The following EXOC4 variants were observed in gnomAD, a reference collection of about 807,000 sequenced individuals.
EXOC4 encodes the protein SEC8-like 1.
Under a neutral mutation model 107.2 loss-of-function variants are expected in EXOC4, and 71 were observed. The ratio of observed to expected loss-of-function variants is 0.66; its 90% CI spans 0.55 to 0.81. The LOEUF is 0.81. EXOC4 is among the 30% of genes least tolerant of loss of function. The pLI, the probability that EXOC4 is intolerant of heterozygous loss-of-function variation, is 0.00. For synonymous variants in EXOC4, 456 were observed against 441.2 expected (o/e 1.03, Z -0.42); for missense variants, 1,108 against 1,189.6 (o/e 0.93, Z 1.01).
In EXOC4 at chr7:133,774,638, C is replaced by CT. The variant is rs1307623106; in HGVS notation, c.1515-42681dup. ...AGAAAACAGCAGTTTAAACAATCTA[C>CT]TTTTTTCAAGCCTAACTTCTTACCC... On this transcript the variant is annotated intron_variant, in intron 10 of 17. Transcript: ENST00000253861. Among the ~76,000 whole-genome samples, 16 of 151,940 alleles carry CT rather than the reference C, an allele frequency of 1.1e-4. No homozygotes were observed. The South Asian group carries it at 1.5e-3, about 14-fold the overall frequency.
chr7:134,012,574 C>G (rs114808935), intron 17 of EXOC4, among the ~76,000 whole-genome samples: 1,793 of 152,088 alleles, frequency 0.012, 26 homozygotes, highest in African/African-American at 0.04. Context: ...GAGGGGATAA[C>G]AAGAAATGTT....
intron 17 of EXOC4, among the ~76,000 whole-genome samples, chr7:134,024,233 G>A (rs996346950): frequency 9.9e-5 from 15 of 152,134 alleles, no homozygotes; most frequent in Non-Finnish European, 1.6e-4. Flanking sequence ...GGCGGATCAC[G>A]AAGTCAGGAG....
chr7:134,022,907 G>C (rs2116433038), intron 17 of EXOC4, among the ~76,000 whole-genome samples: 1 of 152,238 alleles, frequency 6.6e-6, no homozygotes, highest in Admixed American at 6.5e-5. Context: ...AATCTCTCTT[G>C]TTCATTCCTG....
chr7:133,327,205 G>A (rs531937373), intron 5 of EXOC4, among the ~76,000 whole-genome samples: 1 of 152,242 alleles, frequency 6.6e-6, no homozygotes, highest in African/African-American at 2.4e-5. Flanking sequence ...GGTGGGCTGC[G>A]CACCCACTGT....
chr7:133,652,677 G>A (rs1585055900), intron 10 of EXOC4, among the ~76,000 whole-genome samples: 1 of 152,144 alleles, frequency 6.6e-6, no homozygotes, highest in Non-Finnish European at 1.5e-5. Flanking sequence ...GAAGAGAGAA[G>A]CAGCCACAGG....
At chr7:133,641,809 A>G (rs1585049082) in intron 10 of EXOC4, among the ~76,000 whole-genome samples, 1 of 152,232 alleles carries the variant, frequency 6.6e-6, no homozygotes, top group African/African-American at 2.4e-5. Flanking sequence ...AGGCCACTAA[A>G]TTCATTCTTT....
At chr7:133,669,374 G>A (rs575434290) in intron 10 of EXOC4, among the ~76,000 whole-genome samples, 6 of 152,324 alleles carry the variant, frequency 3.9e-5, no homozygotes, top group Middle Eastern at 3.4e-3. Context: ...CATTGCTGAG[G>A]TGGGGAGGGT....
chr7:134,004,893 C>G lies in EXOC4; in HGVS notation c.2349-19C>G. 6.2e-7 allele frequency: 1 copy of G among 1,604,586 alleles called. No individual in the cohort carries two copies. On this transcript the variant is annotated intron_variant, in intron 15 of 17. Coordinates refer to ENST00000253861, the MANE Select transcript of EXOC4 (RefSeq NM_021807.4). ...AAGGATTTATTATTAACTGCTCTCC[C>G]TATCTCTCTCTTTTTCAGGGTTCAC...
At chr7:133,516,760 T>TTTTTTTTTTTTTTTTTTG in intron 9 of EXOC4, among the ~76,000 whole-genome samples, 1 of 139,980 alleles carries the variant, frequency 7.1e-6, no homozygotes, top group African/African-American at 2.6e-5. Context: ...AGCTGCTCAT[T>TTTTTTTTTTTTTTTTTTG]TTTTTTTTTT....
chr7:133,256,170 G>A (rs757044620), intron 1 of EXOC4, among the ~76,000 whole-genome samples: 5 of 151,988 alleles, frequency 3.3e-5, no homozygotes, highest in South Asian at 2.1e-4. Flanking sequence ...TTTAGTAGAG[G>A]CAGGGTTTCA....
chr7:133,337,011 G>T (rs915002268), intron 5 of EXOC4, among the ~76,000 whole-genome samples: 10 of 152,074 alleles, frequency 6.6e-5, no homozygotes, highest in African/African-American at 2.4e-4. Context: ...GGGATTACAG[G>T]TGTGAGCCAC....
At position 133,584,579 on chromosome 7, in the gene EXOC4, TTTTTTG is replaced by T. The variant is rs1350855344; in HGVS notation, c.1418-45460_1418-45455del. ...TTTGTTTTTTACGTATTTCAGTTTTTTTTTTGTTTTTTTTTTTGAGACAGAGTCTCG... is the reference window on the plus strand; with the variant it reads ...TTTGTTTTTTACGTATTTCAGTTTTTTTTTTTTTTTTGAGACAGAGTCTCG... On this transcript the variant is annotated intron_variant, in intron 9 of 17. Coordinates refer to ENST00000253861, the MANE Select transcript of EXOC4 (RefSeq NM_021807.4). Among the ~76,000 whole-genome samples the T allele has an allele frequency of 3.4e-4, 46 of 134,952 alleles. 1 individual carries two copies. The highest frequency in any genetic ancestry group is 1.1e-3 in the African/African-American group (42 of 36,574). 88.5% of individuals were successfully genotyped at this position (134,952 alleles called of 152,430 possible). A position where few individuals can be genotyped will look rare whatever the true frequency, so the allele number is the denominator to read the frequency against.
intron 7 of EXOC4, among the ~76,000 whole-genome samples, chr7:133,450,562 G>A (rs181530971): frequency 1.1e-4 from 17 of 152,256 alleles, no homozygotes; most frequent in Admixed American, 1.0e-3. Context: ...TCTGCTGACT[G>A]TTGGAATATG....
chr7:134,003,361 G>T (rs1308415548), intron 15 of EXOC4, among the ~76,000 whole-genome samples: 1 of 152,140 alleles, frequency 6.6e-6, no homozygotes, highest in Non-Finnish European at 1.5e-5. Context: ...TCTGTAATTT[G>T]GTTCTGGTGG....
At chr7:133,347,056 A>G (rs538272780) in intron 5 of EXOC4, among the ~76,000 whole-genome samples, 3 of 152,282 alleles carry the variant, frequency 2.0e-5, no homozygotes, top group Admixed American at 6.5e-5. Flanking sequence ...GTCATGATGA[A>G]CTGGTGGTCT....
At chr7:133,484,937 T>G (rs1318021973) in intron 9 of EXOC4, among the ~76,000 whole-genome samples, 11 of 151,104 alleles carry the variant, frequency 7.3e-5, no homozygotes, top group Non-Finnish European at 7.4e-5. Context: ...AAAATTAGCC[T>G]GGCGTGGTGG....
At chr7:133,997,435 T>C in intron 14 of EXOC4, 57 bp from the exon 15 acceptor site, 4 of 1,599,252 alleles carry the variant, frequency 2.5e-6, no homozygotes, top group Non-Finnish European at 3.4e-6. Context: ...ATATGTCATT[T>C]CAGAAAAATC....
At chr7:133,650,219 T>G (rs1803106872) in intron 10 of EXOC4, among the ~76,000 whole-genome samples, 1 of 152,166 alleles carries the variant, frequency 6.6e-6, no homozygotes, top group African/African-American at 2.4e-5. Flanking sequence ...AATGATTATG[T>G]GGCAACATTA....
Position 133,253,095 on chromosome 7 carries a change from G to C in EXOC4, c.-7G>C. On this transcript the variant is annotated 5_prime_UTR_variant, in exon 1 of 18. Transcript: ENST00000253861. ...CTTGGAGCCTAGCGGCTCTCCCCGC[G>C]TCCAAGATGGCGGCAGAAGCAGCTG... 6.2e-7 allele frequency: 1 copy of C among 1,614,078 alleles called. No homozygotes were observed. The highest frequency in any genetic ancestry group is 8.5e-7 in the Non-Finnish European group (1 of 1,179,976).
Sources: gnomAD v4.1 joint callset for allele counts (sites outside exome capture counted in the v4.1 genomes callset) on GRCh38, gnomAD v4.1.1 for gene constraint, MANE v1.5 for transcripts, NCBI Gene and HGNC (gene_info 2026-07-23, HGNC 2026-07-21) for gene names.